The following SLC24A4 variants were observed in gnomAD, a reference collection of about 807,000 sequenced individuals.
SLC24A4 encodes sodium/potassium/calcium exchanger 4.
SLC24A4 carries 53 observed loss-of-function variants against 79.0 expected under a neutral mutation model. That is an observed-to-expected ratio of 0.67 (90% CI 0.54 to 0.84). The LOEUF is 0.84. Ranked by LOEUF, SLC24A4 falls within the 40% of genes least tolerant of loss-of-function variation. The pLI is 0.00. For missense variants in SLC24A4, 731 were observed against 822.0 expected (o/e 0.89, Z 1.35); for synonymous variants, 323 against 323.8 (o/e 1.00, Z 0.03).
intron 4 of SLC24A4, among the ~76,000 whole-genome samples, chr14:92,440,067 A>G (rs10143231): frequency 0.39 from 59,172 of 151,934 alleles, 11,849 homozygotes; most frequent in East Asian, 0.67. Context: ...CGTGTTTGAG[A>G]CCATGTCTTC....
intron 12 of SLC24A4, among the ~76,000 whole-genome samples, chr14:92,479,859 T>A (rs565230593): frequency 6.6e-6 from 1 of 152,256 alleles, no homozygotes; most frequent in Non-Finnish European, 1.5e-5. Context: ...GGGAAAATTT[T>A]AAATTGCTGT....
intron 2 of SLC24A4, among the ~76,000 whole-genome samples, chr14:92,348,327 G>A (rs1360024463): frequency 6.6e-6 from 1 of 152,218 alleles, no homozygotes; most frequent in Admixed American, 6.5e-5. Flanking sequence ...TTTTTATCAT[G>A]ACAGTTGTTC....
intron 2 of SLC24A4, among the ~76,000 whole-genome samples, chr14:92,358,731 C>T (rs371360736): frequency 2.1e-5 from 3 of 145,564 alleles, no homozygotes; most frequent in East Asian, 2.0e-4. Flanking sequence ...GAGTCTCGCT[C>T]TGTCACCTAG....
intron 13 of SLC24A4, chr14:92,484,324 T>A: frequency 1.0e-6 from 1 of 985,308 alleles, no homozygotes; most frequent in Non-Finnish European, 1.2e-6. Flanking sequence ...CCTCTGTGAG[T>A]GTCCTTACTC....
chr14:92,457,006 A>G (rs1893514583), intron 12 of SLC24A4, among the ~76,000 whole-genome samples: 1 of 152,196 alleles, frequency 6.6e-6, no homozygotes. Flanking sequence ...CATTTTGCCT[A>G]TGCATCTCTT....
At chr14:92,393,784 G>T (rs1265729585) in intron 2 of SLC24A4, among the ~76,000 whole-genome samples, 1 of 152,038 alleles carries the variant, frequency 6.6e-6, no homozygotes, top group East Asian at 2.0e-4. Context: ...GCCAAGGTGG[G>T]CAGATCACCT....
intron 2 of SLC24A4, among the ~76,000 whole-genome samples, chr14:92,430,454 C>T (rs1481703562): frequency 2.6e-5 from 4 of 152,240 alleles, no homozygotes; most frequent in Non-Finnish European, 5.9e-5. Flanking sequence ...TTGTAGGGTG[C>T]TGAGGGCACT....
At chr14:92,354,884 G>T (rs1456832572) in intron 2 of SLC24A4, among the ~76,000 whole-genome samples, 1 of 152,154 alleles carries the variant, frequency 6.6e-6, no homozygotes, top group Admixed American at 6.5e-5. Flanking sequence ...GACCAGCCCG[G>T]CCAACATGGC....
At chr14:92,446,167 G>A (rs1465990335) in intron 8 of SLC24A4, among the ~76,000 whole-genome samples, 1 of 113,746 alleles carries the variant, frequency 8.8e-6, no homozygotes, top group Admixed American at 9.9e-5. Flanking sequence ...GAATCTGCGT[G>A]CATTCTATGT....
intron 2 of SLC24A4, among the ~76,000 whole-genome samples, chr14:92,329,911 G>A (rs1282606217): frequency 2.0e-5 from 3 of 152,336 alleles, no homozygotes; most frequent in Admixed American, 1.3e-4. Context: ...CAGAAGAGCT[G>A]TTCTTAATCC....
rs907072379 is a variant in SLC24A4 at position 92,489,311 on chromosome 14, C to T, written c.1538-2354C>T. Among the ~76,000 whole-genome samples the T allele has an allele frequency of 1.4e-3, 218 of 152,134 alleles. 5 individuals carry two copies. Among genetic ancestry groups the T allele is most frequent in the Admixed American group, 0.014 (216 of 15,282 alleles). The stretch of plus-strand genomic sequence containing the variant: ...AAAATTAGCCAGGCGTGGTGGTGCA[C>T]ACCTGTAATTGCAGCTACTCGGGAG... On this transcript the variant is annotated intron_variant, in intron 14 of 16. Coordinates refer to ENST00000532405, the MANE Select transcript of SLC24A4 (RefSeq NM_153646.4).
chr14:92,440,419 G>A (rs10143855), intron 4 of SLC24A4, among the ~76,000 whole-genome samples: 3,360 of 152,268 alleles, frequency 0.022, 110 homozygotes, highest in African/African-American at 0.07. Flanking sequence ...GCGCTGCAGC[G>A]ATGGCGGTTA....
At chr14:92,461,581 T>C (rs962308360) in intron 12 of SLC24A4, among the ~76,000 whole-genome samples, 3 of 152,160 alleles carry the variant, frequency 2.0e-5, no homozygotes, top group Admixed American at 1.3e-4. Context: ...AGAGAGATCT[T>C]TCTCTTCCTC....
At chr14:92,436,545 A>G (rs2139797028) in intron 3 of SLC24A4, among the ~76,000 whole-genome samples, 1 of 152,360 alleles carries the variant, frequency 6.6e-6, no homozygotes, top group South Asian at 2.1e-4. Flanking sequence ...TGGCCAGCAA[A>G]GCCTAAAATA....
Position 92,448,952 on chromosome 14 carries a change from C to G in SLC24A4, c.738-122C>G, listed in dbSNP as rs1445320287. 2.5e-6 allele frequency: 3 copies of G among 1,208,104 alleles called. No homozygotes were observed. The African/African-American group carries it at 4.6e-5, about 18-fold the overall frequency. The allele number at this position is 1,208,104 out of a possible 1,614,324, so 74.8% of individuals were successfully genotyped here. A position where few individuals can be genotyped will look rare whatever the true frequency, so the allele number is the denominator to read the frequency against. ...TGAAAAGCTGAGGCTCCACACCTCC[C>G]CTGCCACCCACCACTCCTGGGCTGT... is the stretch of plus-strand genomic sequence containing the variant. On this transcript the variant is annotated intron_variant, in intron 9 of 16. Transcript: ENST00000532405.
rs569355133 is a variant in SLC24A4, at chr14:92,382,103, A to AAC, written c.242-51807_242-51806dup. On this transcript the variant is annotated intron_variant, in intron 2 of 16. Coordinates refer to ENST00000532405, the MANE Select transcript of SLC24A4 (RefSeq NM_153646.4). ...ATCTGCATTCCTGTATATATATATAAACATACACACACACACACATAAATC... is the reference window on the plus strand; with the variant it reads ...ATCTGCATTCCTGTATATATATATAAACACATACACACACACACACATAAATC... Among the ~76,000 whole-genome samples, 387 of 151,894 alleles carry AAC rather than the reference A, an allele frequency of 2.5e-3. 2 individuals carry two copies. The highest frequency in any genetic ancestry group is 8.7e-3 in the African/African-American group (361 of 41,304).
chr14:92,364,249 G>C (rs986514700), intron 2 of SLC24A4, among the ~76,000 whole-genome samples: 2 of 152,196 alleles, frequency 1.3e-5, no homozygotes, highest in Non-Finnish European at 2.9e-5. Context: ...CCAGTAGCTG[G>C]CATGGGATGG....
At chr14:92,439,632 C>G (rs1892381393) in intron 4 of SLC24A4, among the ~76,000 whole-genome samples, 3 of 152,258 alleles carry the variant, frequency 2.0e-5, no homozygotes, top group Admixed American at 2.0e-4. Context: ...AAAACACTCC[C>G]AGTGTGAGAT....
chr14:92,338,957 A>T (rs143753984), intron 2 of SLC24A4, among the ~76,000 whole-genome samples: 437 of 152,302 alleles, frequency 2.9e-3, no homozygotes, highest in African/African-American at 9.4e-3. Context: ...TGATGACTGG[A>T]TGGACAGAGT....
Sources: gnomAD v4.1 joint callset for allele counts (sites outside exome capture counted in the v4.1 genomes callset) on GRCh38, gnomAD v4.1.1 for gene constraint, MANE v1.5 for transcripts, NCBI Gene and HGNC (gene_info 2026-07-23, HGNC 2026-07-21) for gene names.